The following WNK1 variants were observed in gnomAD, a reference collection of about 807,000 sequenced individuals.
WNK1 encodes serine/threonine-protein kinase WNK1.
Under a neutral mutation model 222.8 loss-of-function variants are expected in WNK1, and 38 were observed. The ratio of observed to expected loss-of-function variants is 0.17; its 90% CI spans 0.13 to 0.22. The LOEUF (loss-of-function observed/expected upper bound fraction) is 0.22. Among genes scored for constraint, WNK1 ranks in the 10% least tolerant of loss-of-function variants. WNK1 has a pLI of 1.00. For missense variants in WNK1, 2,348 were observed against 2,918.4 expected (o/e 0.80, Z 4.50); for synonymous variants, 1,090 against 1,092.9 (o/e 1.00, Z 0.05).
Position 876,999 on chromosome 12 carries a change from A to G in WNK1, c.2224-1213A>G, listed in dbSNP as rs541453345. On this transcript the variant is annotated intron_variant, in intron 9 of 27. Coordinates refer to ENST00000315939, the MANE Select transcript of WNK1 (RefSeq NM_018979.4). ...TTATTACAAGCAGATGTTGTATTAA[A>G]GAAAAAATATAAATTAGGTATTAGA... Among the ~76,000 whole-genome samples the G allele has an allele frequency of 7.9e-5, 12 of 151,886 alleles. No homozygotes were observed. The East Asian group carries it at 2.3e-3, about 29-fold the overall frequency.
chr12:756,409 T>C (rs1442569068), intron 1 of WNK1, among the ~76,000 whole-genome samples: 3 of 152,228 alleles, frequency 2.0e-5, no homozygotes, highest in Non-Finnish European at 4.4e-5. Context: ...TTAGAACTCG[T>C]AACTTTTTGG....
chr12:812,085 G>C (rs750090998), intron 1 of WNK1, among the ~76,000 whole-genome samples: 2 of 152,034 alleles, frequency 1.3e-5, no homozygotes, highest in Non-Finnish European at 2.9e-5. Context: ...TTCCCTCTAT[G>C]CTTTGCTATA....
chr12:780,060 G>A (rs1314024239), intron 1 of WNK1, among the ~76,000 whole-genome samples: 1 of 152,122 alleles, frequency 6.6e-6, no homozygotes, highest in Non-Finnish European at 1.5e-5. Flanking sequence ...CTTTTCTGGG[G>A]TTCTTGGCAA....
chr12:801,939 C>T (rs1422340399), intron 1 of WNK1, among the ~76,000 whole-genome samples: 1 of 151,980 alleles, frequency 6.6e-6, no homozygotes, highest in Non-Finnish European at 1.5e-5. Context: ...TTGTCTGTCC[C>T]CATTGTTTGT....
intron 1 of WNK1, among the ~76,000 whole-genome samples, chr12:787,759 C>T (rs79237038): frequency 0.05 from 7,646 of 152,106 alleles, 252 homozygotes; most frequent in African/African-American, 0.076. Flanking sequence ...CACTCTTTGA[C>T]CATCTCAGGA....
intron 1 of WNK1, among the ~76,000 whole-genome samples, chr12:787,181 A>T (rs1317632494): frequency 1.3e-5 from 2 of 151,990 alleles, no homozygotes; most frequent in Non-Finnish European, 2.9e-5. Context: ...CTCTACTTTT[A>T]TAGGTGGTAT....
intron 1 of WNK1, among the ~76,000 whole-genome samples, chr12:779,283 T>C (rs187779169): frequency 2.0e-5 from 3 of 152,176 alleles, no homozygotes; most frequent in Non-Finnish European, 4.4e-5. Context: ...GAATTCCCTG[T>C]TGGGAAAGTA....
chr12:865,756 C>A (rs1247769975), intron 8 of WNK1, among the ~76,000 whole-genome samples: 1 of 151,556 alleles, frequency 6.6e-6, no homozygotes, highest in African/African-American at 2.4e-5. Context: ...TTTTTCTCCT[C>A]ACTTTATTCT....
chr12:838,646 G>A (rs1490117557), intron 4 of WNK1, among the ~76,000 whole-genome samples: 1 of 152,088 alleles, frequency 6.6e-6, no homozygotes, highest in African/African-American at 2.4e-5. Flanking sequence ...GAACTCCTCA[G>A]ATCAAGCGGT....
Position 896,886 on chromosome 12 carries a change from C to CCA in WNK1, c.6245+206_6245+207dup, listed in dbSNP as rs34202153. 2.4e-3 allele frequency among the ~76,000 whole-genome samples: 319 copies of CCA among 134,572 alleles called. 2 individuals are homozygous for CCA. Among genetic ancestry groups the CCA allele is most frequent in the African/African-American group, 8.0e-3 (273 of 34,054 alleles). The allele number at this position is 134,572 out of a possible 152,430, so 88.3% of individuals were successfully genotyped here. On this transcript the variant is annotated intron_variant, in intron 24 of 27. Transcript: ENST00000315939. ...AGAAGCCCCACCCCATACCTCCCCACCACACACACACACACACACACACAC... is the reference window on the plus strand; with the variant it reads ...AGAAGCCCCACCCCATACCTCCCCACCACACACACACACACACACACACACAC...
chr12:885,627 C>T lies in WNK1; in HGVS notation c.4823C>T (p.Ala1608Val), dbSNP rs781667314. 5.6e-6 allele frequency: 9 copies of T among 1,614,138 alleles called. No homozygotes were observed. In the Admixed American group the frequency reaches 1.0e-4, roughly 18 times the overall value. Reference sequence around the variant, plus strand: ...ATCCCACCCTTGGTACAGCCTGTTGCCAATGTGCCTGCTGTACAGCAGACA... The same window carrying T: ...ATCCCACCCTTGGTACAGCCTGTTGTCAATGTGCCTGCTGTACAGCAGACA... ...PSIPPLVQPV[A>V]NVPAVQQTLI... The change falls in exon 19 of 28, where the codon GCC becomes GTC. Residue 1608 changes from alanine to valine, a missense_variant. This residue lies in a region of WNK1 where 1,144 missense variants were observed against 1,273.6 expected (regional missense o/e 0.90). Coordinates refer to ENST00000315939, the MANE Select transcript of WNK1 (RefSeq NM_018979.4).
chr12:816,066 C>G (rs566164117), intron 2 of WNK1, among the ~76,000 whole-genome samples: 1 of 152,226 alleles, frequency 6.6e-6, no homozygotes, highest in East Asian at 1.9e-4. Context: ...AGCCTTAGAA[C>G]TAGGTAGAGA....
intron 1 of WNK1, among the ~76,000 whole-genome samples, chr12:778,305 A>C (rs1943323761): frequency 6.6e-6 from 1 of 151,864 alleles, no homozygotes; most frequent in Admixed American, 6.6e-5. Flanking sequence ...TAAATTTTTT[A>C]TTATTAATTT....
intron 26 of WNK1, among the ~76,000 whole-genome samples, chr12:903,920 A>G (rs1201925626): frequency 6.6e-6 from 1 of 152,218 alleles, no homozygotes; most frequent in East Asian, 1.9e-4. Context: ...TTTAAAAACT[A>G]TTCTGGAAGG....
At chr12:852,028 A>G (rs1398289426) in intron 4 of WNK1, among the ~76,000 whole-genome samples, 1 of 152,182 alleles carries the variant, frequency 6.6e-6, no homozygotes, top group Non-Finnish European at 1.5e-5. Context: ...ATTAAGAGTT[A>G]ATGTTAATGT....
chr12:862,039 G>A, intron 7 of WNK1, 44 bp from the exon 8 acceptor site: 1 of 1,610,672 alleles, frequency 6.2e-7, no homozygotes, highest in Non-Finnish European at 8.5e-7. Flanking sequence ...TTTGTGATTT[G>A]TCTTTCTCTC....
chr12:887,410 T>C, intron 20 of WNK1, 106 bp downstream of exon 20: 2 of 1,027,778 alleles, frequency 1.9e-6, no homozygotes, highest in Non-Finnish European at 3.1e-6. Flanking sequence ...TGTCTTTGAC[T>C]TAGTAACACC....
chr12:830,361 T>G (rs72648634), intron 4 of WNK1, among the ~76,000 whole-genome samples: 1 of 152,176 alleles, frequency 6.6e-6, no homozygotes, highest in African/African-American at 2.4e-5. Context: ...GAACCACTAG[T>G]TTATCCTGTA....
intron 5 of WNK1, among the ~76,000 whole-genome samples, chr12:857,728 G>A (rs1950894145): frequency 6.6e-6 from 1 of 152,292 alleles, no homozygotes; most frequent in South Asian, 2.1e-4. Context: ...AGAAGACTTG[G>A]CCCAGGGGTT....
Sources: allele counts gnomAD v4.1 joint callset (sites outside exome capture counted in the v4.1 genomes callset), GRCh38; gene constraint gnomAD v4.1.1; regional missense constraint gnomAD v4.1.1; transcripts MANE v1.5; gene names NCBI Gene and HGNC (gene_info 2026-07-23, HGNC 2026-07-21).